The following PHF11 variants were observed in gnomAD, a reference collection of about 807,000 sequenced individuals.
The protein encoded by PHF11 is PHD finger protein 11.
Under a neutral mutation model 40.5 loss-of-function variants are expected in PHF11, and 38 were observed. That is an observed-to-expected ratio of 0.94 (90% CI 0.72 to 1.23). PHF11 has a LOEUF of 1.23. Among genes scored for constraint, PHF11 ranks in the 50% most tolerant of loss-of-function variants. PHF11 has a pLI of 0.00. For missense variants in PHF11, 369 were observed against 392.4 expected (o/e 0.94, Z 0.50); for synonymous variants, 127 against 138.2 (o/e 0.92, Z 0.57).
At chr13:49,509,885 AACTG>A (rs1300757719) in intron 2 of PHF11, among the ~76,000 whole-genome samples, 1 of 152,182 alleles carries the variant, frequency 6.6e-6, no homozygotes, top group Admixed American at 6.5e-5. Flanking sequence ...GCAGTGTGAG[AACTG>A]ACTAATACAC....
At chr13:49,509,102 A>G (rs983649863) in intron 2 of PHF11, among the ~76,000 whole-genome samples, 5 of 152,072 alleles carry the variant, frequency 3.3e-5, no homozygotes, top group Admixed American at 6.5e-5. Context: ...TTTGATGTTT[A>G]TTTTAAATTA....
intron 2 of PHF11, among the ~76,000 whole-genome samples, chr13:49,508,740 A>G (rs759655099): frequency 5.9e-5 from 9 of 152,120 alleles, no homozygotes; most frequent in Non-Finnish European, 1.2e-4. Context: ...AATTTTATTT[A>G]CTTACCTTTA....
intron 2 of PHF11, among the ~76,000 whole-genome samples, chr13:49,508,375 C>G (rs1959040155): frequency 6.8e-6 from 1 of 146,188 alleles, no homozygotes; most frequent in South Asian, 2.1e-4. Flanking sequence ...TAATATATTA[C>G]TATATTATAT....
In PHF11 at chr13:49,523,175, C is replaced by T. The variant is rs1363509608; in HGVS notation, c.571C>T (p.Pro191Ser). The T allele has an allele frequency of 1.2e-6, 2 of 1,601,542 alleles. No individual in the cohort carries two copies. The change falls in exon 7 of 10, where the codon CCA becomes TCA. Residue 191 changes from proline to serine, a missense_variant and splice_region_variant. Pro to Ser is a moderately conservative substitution (Grantham distance 74). Coordinates refer to ENST00000378319, the MANE Select transcript of PHF11 (RefSeq NM_001040443.3). ...ATGCAATCTTGATTTTCTCTCCTAG[C>T]CACCCGAAACAATGAAATGTAATAC... ...KKPLSGNHVQ[P>S]PETMKCNTFI... is the part of the protein sequence containing the mutation.
intron 2 of PHF11, among the ~76,000 whole-genome samples, chr13:49,512,739 C>T (rs1000890524): frequency 5.9e-5 from 9 of 152,214 alleles, no homozygotes; most frequent in African/African-American, 2.2e-4. Context: ...AACCACGTGG[C>T]TTCAGCTATT....
chr13:49,507,887 G>A (rs1013051933), intron 2 of PHF11, among the ~76,000 whole-genome samples: 1 of 152,098 alleles, frequency 6.6e-6, no homozygotes, highest in African/African-American at 2.4e-5. Context: ...GGGGGTTCCT[G>A]GAACCAATCC....
At chr13:49,500,838 C>A (rs1566185139) in intron 1 of PHF11, among the ~76,000 whole-genome samples, 1 of 152,244 alleles carries the variant, frequency 6.6e-6, no homozygotes, top group South Asian at 2.1e-4. Flanking sequence ...TCTTGGAACC[C>A]AAGTACTTGG....
chr13:49,500,199 G>A (rs950329326), intron 1 of PHF11, among the ~76,000 whole-genome samples: 8 of 152,092 alleles, frequency 5.3e-5, no homozygotes, highest in Non-Finnish European at 1.2e-4. Flanking sequence ...AATCTTGTCG[G>A]GTCAGGCTCT....
intron 1 of PHF11, among the ~76,000 whole-genome samples, chr13:49,506,303 C>T (rs1055926068): frequency 6.6e-6 from 1 of 151,682 alleles, no homozygotes. Flanking sequence ...TTGAGAGGAC[C>T]ACTTGAGGTT....
intron 8 of PHF11, chr13:49,525,886 G>A: frequency 2.3e-6 from 1 of 437,252 alleles, no homozygotes; most frequent in Admixed American, 2.6e-5. Context: ...CAAGAATTGG[G>A]GGCCAGGCGC....
intron 2 of PHF11, among the ~76,000 whole-genome samples, chr13:49,509,414 T>A (rs1306389420): frequency 6.6e-6 from 1 of 152,078 alleles, no homozygotes; most frequent in African/African-American, 2.4e-5. Flanking sequence ...GGGTTTCACG[T>A]GTTAGCCAAG....
chr13:49,521,718 T>C (rs1959188628), intron 5 of PHF11, among the ~76,000 whole-genome samples: 2 of 152,220 alleles, frequency 1.3e-5, no homozygotes, highest in African/African-American at 4.8e-5. Context: ...CTGAGTGAAA[T>C]TGAGTGCATT....
rs566913287 is a variant in PHF11, at chr13:49,497,340, C to T, written c.94+1245C>T. 48 of 548,956 alleles carry T rather than the reference C, an allele frequency of 8.7e-5. No homozygotes were observed. The East Asian group carries it at 3.0e-3, about 35-fold the overall frequency. 34.0% of individuals were successfully genotyped at this position (548,956 alleles called of 1,614,324 possible). On this transcript the variant is annotated intron_variant, in intron 1 of 9. Coordinates refer to ENST00000378319, the MANE Select transcript of PHF11 (RefSeq NM_001040443.3). ...TATGTCCCAAAGAGAATTCTTGTTT[C>T]CTCCACTGTATTCAGGTACTCCAAA...
chr13:49,499,169 T>C (rs1010384372), intron 1 of PHF11, among the ~76,000 whole-genome samples: 8 of 152,270 alleles, frequency 5.3e-5, no homozygotes, highest in Non-Finnish European at 8.8e-5. Flanking sequence ...GTATAGAAGA[T>C]GGCTGCCCTT....
intron 2 of PHF11, among the ~76,000 whole-genome samples, chr13:49,512,672 C>T (rs901008273): frequency 6.6e-6 from 1 of 152,168 alleles, no homozygotes; most frequent in African/African-American, 2.4e-5. Flanking sequence ...CCATTGGGAA[C>T]CTAGAATGTC....
chr13:49,525,031 TAC>T (rs1304849995), intron 8 of PHF11, among the ~76,000 whole-genome samples: 1 of 152,224 alleles, frequency 6.6e-6, no homozygotes, highest in African/African-American at 2.4e-5. Flanking sequence ...AGTGTTATGT[TAC>T]AGTTTTGATT....
chr13:49,507,477 CCTT>C (rs1959018297), intron 2 of PHF11, among the ~76,000 whole-genome samples: 2 of 152,180 alleles, frequency 1.3e-5, no homozygotes, highest in South Asian at 4.1e-4. Context: ...GTCTAGGTCT[CCTT>C]CTCATGTGAG....
At chr13:49,526,948 C>A (rs1439802247) in intron 9 of PHF11, among the ~76,000 whole-genome samples, 2 of 152,026 alleles carry the variant, frequency 1.3e-5, no homozygotes, top group African/African-American at 4.8e-5. Context: ...GCTTGCCTCC[C>A]TCTCGCTTGG....
chr13:49,514,378 T>C (rs1594212693), intron 3 of PHF11, among the ~76,000 whole-genome samples: 1 of 152,216 alleles, frequency 6.6e-6, no homozygotes, highest in East Asian at 1.9e-4. Context: ...AAGGCAACAG[T>C]CCAGATGGAA....
Sources: gnomAD v4.1 joint callset for allele counts (sites outside exome capture counted in the v4.1 genomes callset) on GRCh38, gnomAD v4.1.1 for gene constraint, MANE v1.5 for transcripts, NCBI Gene and HGNC (gene_info 2026-07-23, HGNC 2026-07-21) for gene names.